The following NDST3 variants were observed in gnomAD, a reference collection of about 807,000 sequenced individuals.
NDST3 encodes the protein bifunctional heparan sulfate N-deacetylase/N-sulfotransferase 3.
A neutral mutation model predicts 96.1 loss-of-function variants in NDST3; 58 were observed. The observed-to-expected ratio is 0.60, with a 90% confidence interval of 0.49 to 0.75. NDST3 has a LOEUF of 0.75. Ranked by LOEUF, NDST3 falls within the 30% of genes least tolerant of loss-of-function variation. NDST3 has a pLI of 0.00. For synonymous variants in NDST3, 333 were observed against 359.7 expected, an observed-to-expected ratio of 0.93 and a Z score of 0.84; for missense variants, 788 against 1,034.2, an observed-to-expected ratio of 0.76 and a Z score of 3.27.
intron 6 of NDST3, among the ~76,000 whole-genome samples, chr4:118,165,669 C>T (rs950608474): frequency 6.6e-6 from 1 of 151,910 alleles, no homozygotes; most frequent in African/African-American, 2.4e-5. Context: ...CATGTTGGAT[C>T]ACAAAATAAG....
rs1476927819 is a variant in NDST3, at chr4:118,137,952, G to A, written c.1225-102G>A. On this transcript the variant is annotated intron_variant, in intron 4 of 13. Transcript: ENST00000296499. ...TTTTACCACACAATTAAGTAATGAT[G>A]CATTTAAATATATATATTTACAGTA... 6.4e-6 allele frequency: 6 copies of A among 939,930 alleles called. No individual in the cohort carries two copies. The Admixed American group carries it at 1.8e-4, about 28-fold the overall frequency. The allele number at this position is 939,930 out of a possible 1,614,324, so 58.2% of individuals were successfully genotyped here. A position where few individuals can be genotyped will look rare whatever the true frequency, so the allele number is the denominator to read the frequency against.
chr4:118,135,209 A>G (rs1414381467), intron 4 of NDST3, among the ~76,000 whole-genome samples: 1 of 152,202 alleles, frequency 6.6e-6, no homozygotes, highest in Non-Finnish European at 1.5e-5. Flanking sequence ...ACAAGCTGGA[A>G]CTACTCGGCA....
intron 6 of NDST3, among the ~76,000 whole-genome samples, chr4:118,186,422 G>T (rs1589719): frequency 0.041 from 6,262 of 152,250 alleles, 230 homozygotes; most frequent in African/African-American, 0.092. Flanking sequence ...TAGGCCGTCT[G>T]CAAGCCAAGG....
chr4:118,068,538 A>C (rs1726784495), intron 2 of NDST3, among the ~76,000 whole-genome samples: 1 of 152,102 alleles, frequency 6.6e-6, no homozygotes, highest in African/African-American at 2.4e-5. Flanking sequence ...CGGAAAAGCC[A>C]AGAAACATCA....
intron 6 of NDST3, among the ~76,000 whole-genome samples, chr4:118,192,290 T>C (rs112371399): frequency 0.015 from 2,291 of 152,304 alleles, 55 homozygotes; most frequent in African/African-American, 0.052. Flanking sequence ...TTTAGCTTAA[T>C]GTGATCCCAT....
At chr4:118,084,447 T>C (rs1047274968) in intron 2 of NDST3, among the ~76,000 whole-genome samples, 4 of 152,212 alleles carry the variant, frequency 2.6e-5, no homozygotes, top group African/African-American at 4.8e-5. Flanking sequence ...TCTGGATCCA[T>C]AGGCTCAGTC....
At chr4:118,058,074 A>G (rs1725576982) in intron 2 of NDST3, among the ~76,000 whole-genome samples, 1 of 109,730 alleles carries the variant, frequency 9.1e-6, no homozygotes, top group South Asian at 4.6e-4. Context: ...CAATTATTTT[A>G]TTTAATTATT....
At chr4:118,161,544 T>C (rs1415981350) in intron 6 of NDST3, among the ~76,000 whole-genome samples, 1 of 152,204 alleles carries the variant, frequency 6.6e-6, no homozygotes, top group Non-Finnish European at 1.5e-5. Context: ...GTTTCCCAGA[T>C]GCTTTGTTTA....
At chr4:118,128,814 C>T (rs1011412933) in intron 4 of NDST3, among the ~76,000 whole-genome samples, 2 of 151,904 alleles carry the variant, frequency 1.3e-5, no homozygotes, top group Non-Finnish European at 2.9e-5. Flanking sequence ...GCCATCAAGT[C>T]CTAGGTGTTT....
chr4:118,235,811 G>A (rs1408736969), intron 9 of NDST3, among the ~76,000 whole-genome samples: 1 of 152,024 alleles, frequency 6.6e-6, no homozygotes, highest in East Asian at 1.9e-4. Flanking sequence ...TCCCTAAAAG[G>A]GTGCCAGAAT....
At chr4:118,253,408 T>C in intron 12 of NDST3, 91 bp from the exon 13 acceptor site, 1 of 710,866 alleles carries the variant, frequency 1.4e-6, no homozygotes, top group South Asian at 1.9e-5. Context: ...TATGTATTGG[T>C]CACTATATCA....
intron 9 of NDST3, among the ~76,000 whole-genome samples, chr4:118,235,890 A>G (rs1365256031): frequency 6.6e-6 from 1 of 152,212 alleles, no homozygotes; most frequent in African/African-American, 2.4e-5. Flanking sequence ...ATCTCAAGAT[A>G]TCACTGTGTT....
chr4:118,037,436 G>C (rs1475777856), intron 1 of NDST3, among the ~76,000 whole-genome samples: 1 of 152,144 alleles, frequency 6.6e-6, no homozygotes, highest in Non-Finnish European at 1.5e-5. Flanking sequence ...TTACCTACCT[G>C]CCTAAGATCA....
chr4:118,152,339 A>C (rs936251808), intron 6 of NDST3, among the ~76,000 whole-genome samples: 2 of 152,216 alleles, frequency 1.3e-5, no homozygotes, highest in Non-Finnish European at 2.9e-5. Context: ...GACTCCAGAA[A>C]GTAATATTAC....
intron 4 of NDST3, among the ~76,000 whole-genome samples, chr4:118,120,188 T>G (rs1171805954): frequency 1.3e-5 from 2 of 152,164 alleles, no homozygotes; most frequent in African/African-American, 4.8e-5. Context: ...GGTTTTATTA[T>G]TATACAGGTA....
intron 6 of NDST3, among the ~76,000 whole-genome samples, chr4:118,162,279 G>T (rs1735213050): frequency 6.6e-6 from 1 of 152,142 alleles, no homozygotes; most frequent in African/African-American, 2.4e-5. Flanking sequence ...CCAAAAAAGA[G>T]CCCTCATTGC....
At chr4:118,161,481 T>A (rs184057722) in intron 6 of NDST3, among the ~76,000 whole-genome samples, 1 of 152,114 alleles carries the variant, frequency 6.6e-6, no homozygotes, top group East Asian at 1.9e-4. Flanking sequence ...AGAGGTGGAG[T>A]CTACAGAGGC....
At chr4:118,202,094 G>A (rs1398874129) in intron 6 of NDST3, among the ~76,000 whole-genome samples, 1 of 152,156 alleles carries the variant, frequency 6.6e-6, no homozygotes, top group South Asian at 2.1e-4. Context: ...TCAGATTGTG[G>A]TAGGTGTGCA....
intron 6 of NDST3, among the ~76,000 whole-genome samples, chr4:118,198,416 T>C (rs995399178): frequency 6.6e-6 from 1 of 152,234 alleles, no homozygotes; most frequent in Non-Finnish European, 1.5e-5. Flanking sequence ...ACTGTTTGCA[T>C]AAACAAACTA....
Sources: allele counts gnomAD v4.1 joint callset (sites outside exome capture counted in the v4.1 genomes callset), GRCh38; gene constraint gnomAD v4.1.1; transcripts MANE v1.5; gene names NCBI Gene and HGNC (gene_info 2026-07-23, HGNC 2026-07-21).